Variants in PCDHA9 observed in about 807,000 individuals in gnomAD.
The protein encoded by PCDHA9 is protocadherin alpha-9.
PCDHA9 carries 62 observed loss-of-function variants against 62.0 expected under a neutral mutation model. That is an observed-to-expected ratio of 1.00 (90% CI 0.81 to 1.23). The LOEUF (loss-of-function observed/expected upper bound fraction) is 1.23, where lower values mean the gene tolerates loss of function less well. Among genes scored for constraint, PCDHA9 ranks in the 50% most tolerant of loss-of-function variants. The pLI, the probability that PCDHA9 is intolerant of heterozygous loss-of-function variation, is 0.00. For synonymous variants in PCDHA9, 557 were observed against 567.6 expected (o/e 0.98, Z 0.27); for missense variants, 1,205 against 1,249.8 (o/e 0.96, Z 0.54).
chr5:140,928,014 G>A (rs1554205371), intron 1 of PCDHA9: 1 of 1,614,150 alleles, frequency 6.2e-7, no homozygotes, highest in Non-Finnish European at 8.5e-7. Flanking sequence ...CTAATGGTAG[G>A]GTCATTTGTG....
intron 1 of PCDHA9, chr5:140,968,651 GA>G: frequency 6.2e-7 from 1 of 1,614,154 alleles, no homozygotes; most frequent in Non-Finnish European, 8.5e-7. Flanking sequence ...CCAGACTTCT[GA>G]CCTGGACCTC....
At chr5:140,875,395 GT>G in intron 1 of PCDHA9, 1 of 1,478,260 alleles carries the variant, frequency 6.8e-7, no homozygotes, top group African/African-American at 1.4e-5. Context: ...ACAGAAAAGG[GT>G]GACTGCTCAT....
chr5:140,933,314 G>A (rs925777839), intron 1 of PCDHA9, among the ~76,000 whole-genome samples: 2 of 151,914 alleles, frequency 1.3e-5, no homozygotes, highest in Non-Finnish European at 2.9e-5. Flanking sequence ...ATGCAATCTC[G>A]TATTCTCCTG....
intron 1 of PCDHA9, chr5:140,851,368 A>T: frequency 1.0e-6 from 1 of 976,356 alleles, no homozygotes; most frequent in Non-Finnish European, 1.2e-6. Flanking sequence ...TGAACATCTG[A>T]TTGTTCAGCA....
chr5:140,898,673 G>A (rs1378652105), intron 1 of PCDHA9, among the ~76,000 whole-genome samples: 1 of 152,170 alleles, frequency 6.6e-6, no homozygotes, highest in Non-Finnish European at 1.5e-5. Flanking sequence ...GGTGTTGCGG[G>A]CTGTTTTTTG....
At chr5:141,003,941 G>A (rs532794918) in intron 3 of PCDHA9, among the ~76,000 whole-genome samples, 1 of 152,236 alleles carries the variant, frequency 6.6e-6, no homozygotes, top group African/African-American at 2.4e-5. Flanking sequence ...TTTGCCTGAG[G>A]GTGAGCTAGG....
At chr5:140,948,106 T>A (rs1383733772) in intron 1 of PCDHA9, among the ~76,000 whole-genome samples, 1 of 151,652 alleles carries the variant, frequency 6.6e-6, no homozygotes, top group Non-Finnish European at 1.5e-5. Context: ...TGATTTTTCT[T>A]CGTTTTACTA....
At chr5:140,875,342 A>C in intron 1 of PCDHA9, 1 of 1,443,152 alleles carries the variant, frequency 6.9e-7, no homozygotes, top group Non-Finnish European at 9.1e-7. Context: ...GATCGACTCC[A>C]TAATGACTGT....
At chr5:140,872,336 A>G (rs1554166138) in intron 1 of PCDHA9, among the ~76,000 whole-genome samples, 1 of 152,144 alleles carries the variant, frequency 6.6e-6, no homozygotes, top group African/African-American at 2.4e-5. Context: ...CTAAAATTCT[A>G]CATGTTCTTG....
chr5:140,855,741 A>C, intron 1 of PCDHA9: 2 of 313,634 alleles, frequency 6.4e-6, no homozygotes, highest in Non-Finnish European at 5.9e-6. Flanking sequence ...AAGAGACGTA[A>C]TGTGAGGCTT....
chr5:140,850,789 A>C lies in PCDHA9; in HGVS notation c.2294A>C (p.Gln765Pro). Residue 765 changes from glutamine to proline, a missense_variant, in exon 1 of 4, where the codon CAG (glutamine) becomes CCG (proline). Physicochemically the swap from Gln to Pro is moderately conservative, Grantham distance 76. Around this residue, in one of 3 missense-constraint regions of PCDHA9, gnomAD observed 887 missense variants for 809.5 expected, o/e 1.10. Transcript: ENST00000532602. ...AGGGTGTGCTCTGGCGAGGGTAAGC[A>C]GAAGACCGACCTCATGGCCTTCAGC... ...RQRVCSGEGK[Q>P]KTDLMAFSPG... The C allele has an allele frequency of 6.3e-7, 1 of 1,598,402 alleles. No individual in the cohort carries two copies. The highest frequency in any genetic ancestry group is 8.6e-7 in the Non-Finnish European group (1 of 1,167,824).
At chr5:140,856,295 T>C (rs782325790) in intron 1 of PCDHA9, 3 of 1,598,412 alleles carry the variant, frequency 1.9e-6, no homozygotes, top group Admixed American at 1.7e-5. Context: ...GAATGGCATT[T>C]TGTTTGTGAA....
chr5:140,986,074 T>C (rs1342378005), intron 3 of PCDHA9, among the ~76,000 whole-genome samples: 1 of 152,124 alleles, frequency 6.6e-6, no homozygotes, highest in African/African-American at 2.4e-5. Context: ...AAAGAAACTG[T>C]TCATTTATTT....
At chr5:140,851,158 C>G (rs2041978839) in intron 1 of PCDHA9, 1 of 1,299,046 alleles carries the variant, frequency 7.7e-7, no homozygotes, top group African/African-American at 1.5e-5. Context: ...ATTTCTGATG[C>G]TATGCTGCCA....
intron 1 of PCDHA9, chr5:140,857,754 C>T: frequency 6.3e-7 from 1 of 1,597,392 alleles, no homozygotes; most frequent in Non-Finnish European, 8.6e-7. Flanking sequence ...GCGTCTCCCG[C>T]TGGCAGCGCG....
chr5:140,890,294 G>A (rs1554184246), intron 1 of PCDHA9, among the ~76,000 whole-genome samples: 1 of 152,132 alleles, frequency 6.6e-6, no homozygotes, highest in Non-Finnish European at 1.5e-5. Flanking sequence ...GTCAGAACCA[G>A]GAGAGGTAAT....
chr5:140,933,780 T>G (rs1404194841), intron 1 of PCDHA9, among the ~76,000 whole-genome samples: 2 of 152,124 alleles, frequency 1.3e-5, no homozygotes, highest in Non-Finnish European at 2.9e-5. Flanking sequence ...TACAGTTTTC[T>G]TTGTAGGAAA....
intron 1 of PCDHA9, chr5:140,867,456 T>C (rs1035822606): frequency 1.3e-5 from 2 of 152,154 alleles, no homozygotes; most frequent in African/African-American, 4.8e-5. Context: ...AGAGTTCTAG[T>C]GTTATGACAA....
At chr5:140,990,792 T>C (rs1554251750) in intron 3 of PCDHA9, among the ~76,000 whole-genome samples, 2 of 152,176 alleles carry the variant, frequency 1.3e-5, no homozygotes, top group African/African-American at 4.8e-5. Flanking sequence ...CGATGAACCA[T>C]GGAATACAGA....
Sources: gnomAD v4.1 joint callset for allele counts (sites outside exome capture counted in the v4.1 genomes callset) on GRCh38, gnomAD v4.1.1 for gene constraint, gnomAD v4.1.1 regional missense constraint, MANE v1.5 for transcripts, NCBI Gene and HGNC (gene_info 2026-07-23, HGNC 2026-07-21) for gene names.